The following FMN1 variants were observed in gnomAD, a reference collection of about 807,000 sequenced individuals.
FMN1 encodes formin-1.
In FMN1, 110 loss-of-function variants were observed where a neutral mutation model predicts 132.4. The observed-to-expected ratio is 0.83, with a 90% confidence interval of 0.71 to 0.97. The LOEUF is 0.97. Among genes scored for constraint, FMN1 ranks in the 50% least tolerant of loss-of-function variants. The pLI is 0.00. For synonymous variants in FMN1, 722 were observed against 651.7 expected (o/e 1.11, Z -1.64); for missense variants, 1,792 against 1,705.3 (o/e 1.05, Z -0.90).
chr15:32,788,939 T>C (rs935369860), intron 19 of FMN1, among the ~76,000 whole-genome samples: 1 of 152,228 alleles, frequency 6.6e-6, no homozygotes, highest in African/African-American at 2.4e-5. Flanking sequence ...AACAAAGCTA[T>C]TAAGATTTTA....
intron 10 of FMN1, among the ~76,000 whole-genome samples, chr15:32,920,196 G>T (rs2060785972): frequency 6.6e-6 from 1 of 152,306 alleles, no homozygotes. Context: ...ACAAGAATAA[G>T]AGGAACTCAC....
At chr15:33,178,775 T>C (rs1016611202) in intron 3 of FMN1, among the ~76,000 whole-genome samples, 2 of 152,242 alleles carry the variant, frequency 1.3e-5, no homozygotes, top group African/African-American at 4.8e-5. Flanking sequence ...GCTACTATTA[T>C]GTGCTTCAGA....
chr15:33,043,167 G>C (rs530150018), intron 6 of FMN1, among the ~76,000 whole-genome samples: 1 of 152,282 alleles, frequency 6.6e-6, no homozygotes, highest in Admixed American at 6.5e-5. Flanking sequence ...GCTGAGCAGC[G>C]AGCCATGGTG....
intron 19 of FMN1, among the ~76,000 whole-genome samples, chr15:32,796,778 G>T (rs1362122637): frequency 6.6e-6 from 1 of 152,186 alleles, no homozygotes; most frequent in East Asian, 1.9e-4. Flanking sequence ...AAATGGTTGA[G>T]GAGTAATATA....
intron 4 of FMN1, among the ~76,000 whole-genome samples, chr15:33,138,818 G>T (rs1186722009): frequency 6.6e-6 from 1 of 152,160 alleles, no homozygotes; most frequent in Non-Finnish European, 1.5e-5. Flanking sequence ...AGGGTTCAGG[G>T]CAGAGGCTAG....
intron 17 of FMN1, among the ~76,000 whole-genome samples, chr15:32,852,326 A>G (rs1234928234): frequency 1.3e-5 from 2 of 152,216 alleles, no homozygotes; most frequent in Non-Finnish European, 2.9e-5. Context: ...TGTAATGCCT[A>G]AAACAGCCCT....
chr15:33,153,189 A>G lies in FMN1; in HGVS notation c.1726T>C (p.Ser576Pro). ...VSADTLEPPS[S>P]AKVTETKGAS... The stretch of plus-strand genomic sequence containing the variant: ...CCTTTGGTCTCCGTGACCTTTGCAG[A>G]GGATGGTGGCTCCAAGGTGTCAGCA... Residue 576 changes from serine to proline, a missense_variant, in exon 4 of 21, where the codon TCT becomes CCT. This residue lies in a region of FMN1 where 1,150 missense variants were observed against 1,043.1 expected (regional missense o/e 1.10). Transcript: ENST00000616417. 1 of 1,536,106 alleles carries G rather than the reference A, an allele frequency of 6.5e-7. No individual in the cohort carries two copies. The highest frequency in any genetic ancestry group is 8.7e-7 in the Non-Finnish European group (1 of 1,146,914).
chr15:33,101,966 A>G (rs1301002464), intron 4 of FMN1, among the ~76,000 whole-genome samples: 2 of 152,116 alleles, frequency 1.3e-5, no homozygotes, highest in Non-Finnish European at 2.9e-5. Flanking sequence ...CTGACTGTAT[A>G]CCAGTATCTG....
At chr15:32,812,245 G>A (rs1340090450) in intron 17 of FMN1, among the ~76,000 whole-genome samples, 2 of 152,148 alleles carry the variant, frequency 1.3e-5, no homozygotes, top group African/African-American at 4.8e-5. Context: ...AGGGCAGTAC[G>A]ACTTAATTCC....
intron 7 of FMN1, among the ~76,000 whole-genome samples, chr15:33,001,468 C>T (rs1322262812): frequency 6.6e-6 from 1 of 152,144 alleles, no homozygotes; most frequent in East Asian, 1.9e-4. Context: ...CAGGTCATTT[C>T]CCATGACTTC....
chr15:33,119,365 G>A (rs1255945626), intron 4 of FMN1, among the ~76,000 whole-genome samples: 1 of 152,192 alleles, frequency 6.6e-6, no homozygotes, highest in Non-Finnish European at 1.5e-5. Flanking sequence ...AAAGGGTGGG[G>A]AGCCTGTGGT....
chr15:33,163,674 G>A (rs1964987290), intron 3 of FMN1, among the ~76,000 whole-genome samples: 2 of 150,854 alleles, frequency 1.3e-5, no homozygotes, highest in Admixed American at 1.3e-4. Context: ...CTGGAGTACA[G>A]TGGTGAGATC....
intron 18 of FMN1, among the ~76,000 whole-genome samples, chr15:32,799,794 C>T (rs982188463): frequency 6.6e-6 from 1 of 152,194 alleles, no homozygotes; most frequent in Non-Finnish European, 1.5e-5. Context: ...CAATTTACAG[C>T]TTTGAACTCA....
At chr15:32,880,443 T>G (rs2059742039) in intron 16 of FMN1, among the ~76,000 whole-genome samples, 1 of 152,216 alleles carries the variant, frequency 6.6e-6, no homozygotes, top group South Asian at 2.1e-4. Flanking sequence ...CATGATGCTT[T>G]TGACTTAATC....
chr15:32,981,539 TA>T lies in FMN1; in HGVS notation c.2224-12063del, dbSNP rs1566788128. On this transcript the variant is annotated intron_variant, in intron 7 of 20. Coordinates refer to ENST00000616417, the MANE Select transcript of FMN1 (RefSeq NM_001277313.2). ...TCTCAAATAATAATAATAATAATAA[TA>T]ATAATTATTATTATTATTATTATTA... Among the ~76,000 whole-genome samples, 940 of 136,538 alleles carry T rather than the reference TA, an allele frequency of 6.9e-3. 6 individuals carry two copies. Among genetic ancestry groups the T allele is most frequent in the Non-Finnish European group, 0.011 (711 of 63,432 alleles). The allele number at this position is 136,538 out of a possible 152,430, so 89.6% of individuals were successfully genotyped here.
rs1964529224 is a variant in FMN1, at chr15:33,153,378, T to C, written c.1537A>G (p.Thr513Ala). The C allele has an allele frequency of 4.6e-6, 7 of 1,536,468 alleles. No homozygotes were observed. The highest frequency in any genetic ancestry group is 1.4e-5 in the African/African-American group (1 of 73,048). ...GGAACAGGTGACGTCTGTTTGTGTG[T>C]GCTGGACTGCGAGGCTGAATTATTA... ...VFNNSASQSS[T>A]HKQTSPVPSP... Residue 513 changes from threonine (T) to alanine (A), a missense_variant, in exon 4 of 21, where the codon ACA becomes GCA. By Grantham distance (58) the Thr-to-Ala change is moderately conservative (BLOSUM62 0). This residue lies in a region of FMN1 where 638 missense variants were observed against 645.2 expected (regional missense o/e 0.99). Transcript: ENST00000616417.
At chr15:33,031,431 A>G (rs345873) in intron 6 of FMN1, among the ~76,000 whole-genome samples, 55,643 of 151,966 alleles carry the variant, frequency 0.37, 10,704 homozygotes, top group Admixed American at 0.47. Context: ...AGCTGCCCCA[A>G]TTAGTGGTTT....
chr15:32,892,447 G>C (rs2141527109), intron 15 of FMN1, among the ~76,000 whole-genome samples: 1 of 152,260 alleles, frequency 6.6e-6, no homozygotes, highest in South Asian at 2.1e-4. Flanking sequence ...ATATGTTGTT[G>C]GATGCAGTTA....
rs79618629 is a variant in FMN1, at chr15:33,054,002, G to C, written c.2161+10955C>G. Among the ~76,000 whole-genome samples, 212 of 152,190 alleles carry C rather than the reference G, an allele frequency of 1.4e-3. 2 individuals carry two copies. The highest frequency in any genetic ancestry group is 5.0e-3 in the African/African-American group (207 of 41,506). On this transcript the variant is annotated intron_variant, in intron 6 of 20. Coordinates refer to ENST00000616417, the MANE Select transcript of FMN1 (RefSeq NM_001277313.2). ...CACTGGTGAATGAACTCAATCTCCA[G>C]TGCCTCTCCTCTCCCTGAGAGTTGA...
Sources: gnomAD v4.1 joint callset for allele counts (sites outside exome capture counted in the v4.1 genomes callset) on GRCh38, gnomAD v4.1.1 for gene constraint, gnomAD v4.1.1 regional missense constraint, MANE v1.5 for transcripts, NCBI Gene and HGNC (gene_info 2026-07-23, HGNC 2026-07-21) for gene names.